ZNF98: variants seen among roughly 807,000 people sequenced by gnomAD.
ZNF98 encodes zinc finger protein 98.
ZNF98 carries 8 observed loss-of-function variants against 12.8 expected under a neutral mutation model. The ratio of observed to expected loss-of-function variants is 0.63; its 90% CI spans 0.37 to 1.13. The LOEUF is 1.13. Among genes scored for constraint, ZNF98 ranks in the 50% most tolerant of loss-of-function variants. ZNF98 has a pLI of 0.01. For synonymous variants in ZNF98, 112 were observed against 223.5 expected, an observed-to-expected ratio of 0.50 and a Z score of 4.45; for missense variants, 379 against 666.1, an observed-to-expected ratio of 0.57 and a Z score of 4.74.
chr19:22,399,027 A>G (rs1969428632), intron 3 of ZNF98, among the ~76,000 whole-genome samples: 1 of 152,238 alleles, frequency 6.6e-6, no homozygotes, highest in Non-Finnish European at 1.5e-5. Flanking sequence ...ACCGACTTAC[A>G]TGTAAAAACA....
At chr19:22,399,204 A>G (rs915452830) in intron 3 of ZNF98, among the ~76,000 whole-genome samples, 4 of 152,236 alleles carry the variant, frequency 2.6e-5, no homozygotes, top group African/African-American at 9.6e-5. Flanking sequence ...ATTTGTGTAG[A>G]TAACTGGAAT....
chr19:22,395,715 G>A (rs1455245525), intron 3 of ZNF98, among the ~76,000 whole-genome samples: 5 of 152,004 alleles, frequency 3.3e-5, no homozygotes, highest in African/African-American at 7.2e-5. Flanking sequence ...TACATATTAA[G>A]CACATTTTCA....
chr19:22,406,501 T>C (rs1043944260), intron 1 of ZNF98, among the ~76,000 whole-genome samples: 1 of 151,828 alleles, frequency 6.6e-6, no homozygotes, highest in Non-Finnish European at 1.5e-5. Context: ...GACAAACTCA[T>C]GAAGATGAGA....
intron 2 of ZNF98, 36 bp downstream of exon 2, chr19:22,403,350 G>A (rs754599819): frequency 7.1e-6 from 11 of 1,551,082 alleles, no homozygotes; most frequent in Non-Finnish European, 9.6e-6. Flanking sequence ...AATTTATAGG[G>A]TATATTAGGG....
chr19:22,414,073 A>C (rs1372182698), intron 1 of ZNF98, among the ~76,000 whole-genome samples: 1 of 151,642 alleles, frequency 6.6e-6, no homozygotes, highest in East Asian at 2.0e-4. Flanking sequence ...TATCTCTACT[A>C]AAAATACAAA....
At chr19:22,401,485 A>ATTT (rs71180540) in intron 3 of ZNF98, among the ~76,000 whole-genome samples, 6 of 145,024 alleles carry the variant, frequency 4.1e-5, no homozygotes, top group Admixed American at 6.9e-5. Context: ...GATTGAAAGA[A>ATTT]TTTTTTTTTT....
chr19:22,397,588 TACA>T (rs1188077910), intron 3 of ZNF98, among the ~76,000 whole-genome samples: 8 of 150,294 alleles, frequency 5.3e-5, no homozygotes, highest in Admixed American at 4.0e-4. Context: ...GAAATGAGTA[TACA>T]ACGAGAAAAA....
In ZNF98 at chr19:22,392,717, T is replaced by A; in HGVS notation, c.518A>T (p.Lys173Met). 6.2e-7 allele frequency: 1 copy of A among 1,604,360 alleles called. No homozygotes were observed. The highest frequency in any genetic ancestry group is 8.5e-7 in the Non-Finnish European group (1 of 1,175,024). The change falls in exon 4 of 4, where the codon AAG (lysine) becomes ATG (methionine). Residue 173 changes from lysine (K) to methionine (M), a missense_variant. Physicochemically the swap from Lys to Met is moderately conservative, Grantham distance 95. Coordinates refer to ENST00000357774, the MANE Select transcript of ZNF98 (RefSeq NM_001098626.2). ...FHKFSNSNRH[K>M]IGHTGKKSFK... ...AGATTTCTTTCCAGTATGTCCTATC[T>A]TATGTCTGTTTGAATTTGAAAATTT...
At chr19:22,415,875 A>T in intron 1 of ZNF98, among the ~76,000 whole-genome samples, 1 of 150,930 alleles carries the variant, frequency 6.6e-6, no homozygotes, top group Non-Finnish European at 1.5e-5. Context: ...CAGGTGGATC[A>T]CAAGGTCAGG....
chr19:22,400,958 AC>A (rs202218085), intron 3 of ZNF98, among the ~76,000 whole-genome samples: 58,702 of 138,384 alleles, frequency 0.42, 13,288 homozygotes, highest in African/African-American at 0.47. Flanking sequence ...GTCTCAAAAA[AC>A]AAAACAAAAC....
intron 1 of ZNF98, among the ~76,000 whole-genome samples, chr19:22,416,922 G>C (rs1363213604): frequency 1.1e-4 from 16 of 151,660 alleles, no homozygotes; most frequent in Non-Finnish European, 2.9e-5. Flanking sequence ...AAAACCAAAT[G>C]CATGTTATTT....
intron 1 of ZNF98, among the ~76,000 whole-genome samples, chr19:22,410,185 A>G (rs1482727496): frequency 6.6e-6 from 1 of 152,214 alleles, no homozygotes; most frequent in Non-Finnish European, 1.5e-5. Flanking sequence ...CGTGGAAGAC[A>G]GTGTGGTGAT....
intron 1 of ZNF98, among the ~76,000 whole-genome samples, chr19:22,408,356 C>A (rs1236369829): frequency 6.6e-6 from 1 of 152,116 alleles, no homozygotes; most frequent in Non-Finnish European, 1.5e-5. Flanking sequence ...TGGGAAAATG[C>A]TGGAAGCATT....
intron 3 of ZNF98, among the ~76,000 whole-genome samples, chr19:22,401,046 T>C (rs1969450656): frequency 6.6e-6 from 1 of 151,304 alleles, no homozygotes; most frequent in Non-Finnish European, 1.5e-5. Flanking sequence ...CAAAAGTTTA[T>C]TATGCCCATT....
chr19:22,396,228 A>G (rs1463986380), intron 3 of ZNF98, among the ~76,000 whole-genome samples: 2 of 152,300 alleles, frequency 1.3e-5, no homozygotes, highest in East Asian at 3.9e-4. Context: ...ACAATGTAAA[A>G]ACATAATTAG....
At chr19:22,421,517 T>C (rs1325515065) in intron 1 of ZNF98, among the ~76,000 whole-genome samples, 1 of 152,074 alleles carries the variant, frequency 6.6e-6, no homozygotes, top group Non-Finnish European at 1.5e-5. Context: ...AATTACTACA[T>C]TGGGGGAAAC....
At chr19:22,415,747 C>T (rs545974712) in intron 1 of ZNF98, among the ~76,000 whole-genome samples, 1 of 151,824 alleles carries the variant, frequency 6.6e-6, no homozygotes, top group Admixed American at 6.6e-5. Flanking sequence ...GATCATGCCA[C>T]TGCACTCCAG....
rs756476448 is a variant in ZNF98, at chr19:22,392,735, G to T, written c.500C>A (p.Ser167Ter). The T allele has an allele frequency of 3.7e-6, 6 of 1,606,222 alleles. No individual in the cohort carries two copies. The highest frequency in any genetic ancestry group is 4.3e-6 in the Non-Finnish European group (5 of 1,176,188). ...DKYVKVFHKFSNSNRHKIGHT... is the reference protein window; with the variant it reads ...DKYVKVFHKF ...TCCTATCTTATGTCTGTTTGAATTT[G>T]AAAATTTATGAAAGACTTTCACATA... The change falls in exon 4 of 4, where the codon TCA becomes TAA. Residue 167 changes from serine to a stop codon, truncating the protein, a stop_gained. Transcript: ENST00000357774. LOFTEE classifies it low-confidence loss of function (END_TRUNC).
Position 22,422,283 on chromosome 19 carries a change from G to C in ZNF98, c.-59C>G. On this transcript the variant is annotated 5_prime_UTR_variant, in exon 1 of 4. Coordinates refer to ENST00000357774, the MANE Select transcript of ZNF98 (RefSeq NM_001098626.2). ...AGGGCCACAGAGGCTGGGCCTCTAC[G>C]AGCAGAGGACACAGAAGGGCGAAGA... 1.2e-6 allele frequency: 2 copies of C among 1,600,518 alleles called. No individual in the cohort carries two copies. Among genetic ancestry groups the C allele is most frequent in the South Asian group, 1.1e-5 (1 of 90,888 alleles).
Sources: allele counts gnomAD v4.1 joint callset (sites outside exome capture counted in the v4.1 genomes callset), GRCh38; gene constraint gnomAD v4.1.1; transcripts MANE v1.5; gene names NCBI Gene and HGNC (gene_info 2026-07-23, HGNC 2026-07-21).